PARD3: variants seen among roughly 807,000 people sequenced by gnomAD.
The protein encoded by PARD3 is partitioning defective 3 homolog.
PARD3 carries 75 observed loss-of-function variants against 155.4 expected under a neutral mutation model. The ratio of observed to expected loss-of-function variants is 0.48; its 90% CI spans 0.40 to 0.58. PARD3 has a LOEUF of 0.58. PARD3 is among the 20% of genes least tolerant of loss of function. The pLI is 0.00. For synonymous variants in PARD3, 576 were observed against 610.5 expected (o/e 0.94, Z 0.83); for missense variants, 1,642 against 1,721.7 (o/e 0.95, Z 0.82).
intron 14 of PARD3, among the ~76,000 whole-genome samples, chr10:34,355,042 A>G: frequency 6.6e-6 from 1 of 152,144 alleles, no homozygotes; most frequent in South Asian, 2.1e-4. Flanking sequence ...GGCTAAAGGA[A>G]GAGAGATTCT....
intron 2 of PARD3, among the ~76,000 whole-genome samples, chr10:34,544,231 C>T (rs1310288861): frequency 2.0e-5 from 3 of 152,076 alleles, no homozygotes; most frequent in Admixed American, 6.6e-5. Context: ...TAAGTAGTGT[C>T]CACATTCAAG....
intron 2 of PARD3, among the ~76,000 whole-genome samples, chr10:34,674,490 T>TTC (rs1186142321): frequency 6.8e-6 from 1 of 147,392 alleles, no homozygotes; most frequent in Admixed American, 6.8e-5. Flanking sequence ...TTTTTTTTTT[T>TTC]TTTTTTTTTT....
chr10:34,628,101 T>G (rs1290635577), intron 2 of PARD3, among the ~76,000 whole-genome samples: 1 of 152,208 alleles, frequency 6.6e-6, no homozygotes, highest in African/African-American at 2.4e-5. Flanking sequence ...TGCAGGATGT[T>G]CACCCATGCT....
intron 20 of PARD3, among the ~76,000 whole-genome samples, chr10:34,313,181 T>C (rs766557273): frequency 2.7e-4 from 41 of 152,154 alleles, no homozygotes; most frequent in Admixed American, 9.2e-4. Context: ...AATAGCCGAG[T>C]GTCTGAGAAT....
chr10:34,369,626 T>G (rs879740670), intron 12 of PARD3, among the ~76,000 whole-genome samples: 1 of 152,164 alleles, frequency 6.6e-6, no homozygotes, highest in Non-Finnish European at 1.5e-5. Context: ...AAATCACATA[T>G]AGTTCCTGAC....
intron 22 of PARD3, among the ~76,000 whole-genome samples, chr10:34,236,270 T>G (rs1412548224): frequency 6.6e-6 from 1 of 152,188 alleles, no homozygotes; most frequent in Non-Finnish European, 1.5e-5. Context: ...GCATCTGTAG[T>G]AATAGACACC....
chr10:34,353,711 A>ATAAAT (rs1404293280), intron 14 of PARD3, among the ~76,000 whole-genome samples: 68 of 102,572 alleles, frequency 6.6e-4, no homozygotes, highest in African/African-American at 3.9e-3. Flanking sequence ...AGAATGATCA[A>ATAAAT]TAAATAAATA....
At chr10:34,563,861 A>G (rs553495699) in intron 2 of PARD3, among the ~76,000 whole-genome samples, 2 of 152,302 alleles carry the variant, frequency 1.3e-5, no homozygotes, top group South Asian at 4.2e-4. Context: ...ATTCATTAGA[A>G]AAAATTTTGC....
At chr10:34,414,297 C>T (rs1265334335) in intron 5 of PARD3, among the ~76,000 whole-genome samples, 1 of 151,948 alleles carries the variant, frequency 6.6e-6, no homozygotes, top group African/African-American at 2.4e-5. Flanking sequence ...AAAATAGAAG[C>T]ATGTCTACTG....
At chr10:34,196,668 G>T (rs2133303200) in intron 22 of PARD3, among the ~76,000 whole-genome samples, 1 of 149,484 alleles carries the variant, frequency 6.7e-6, no homozygotes, top group South Asian at 2.1e-4. Context: ...CTGCCTCCTG[G>T]GTTCATGCCA....
intron 22 of PARD3, among the ~76,000 whole-genome samples, chr10:34,257,915 A>T (rs1954743984): frequency 6.6e-6 from 1 of 152,218 alleles, no homozygotes; most frequent in African/African-American, 2.4e-5. Context: ...TGCATCTCTA[A>T]CTATATTAGA....
chr10:34,258,757 A>G (rs181156055), intron 22 of PARD3, among the ~76,000 whole-genome samples: 4 of 152,284 alleles, frequency 2.6e-5, no homozygotes, highest in Admixed American at 2.6e-4. Context: ...CTCTAAAGAG[A>G]CATCTAAAGA....
At chr10:34,275,896 ACAGT>A (rs944949157) in intron 21 of PARD3, among the ~76,000 whole-genome samples, 47 of 152,248 alleles carry the variant, frequency 3.1e-4, no homozygotes, top group African/African-American at 7.9e-4. Context: ...ATTTTTCTGA[ACAGT>A]CAGATTGTTG....
chr10:34,509,369 G>C (rs2081272722), intron 3 of PARD3, among the ~76,000 whole-genome samples: 1 of 152,086 alleles, frequency 6.6e-6, no homozygotes, highest in Non-Finnish European at 1.5e-5. Flanking sequence ...GGTGTAATGT[G>C]GTTTCTTCCC....
At chr10:34,731,129 G>A (rs1158992730) in intron 1 of PARD3, among the ~76,000 whole-genome samples, 2 of 150,340 alleles carry the variant, frequency 1.3e-5, no homozygotes, top group South Asian at 2.1e-4. Context: ...ATTTTTTTAC[G>A]CTGTTTTCTC....
intron 22 of PARD3, among the ~76,000 whole-genome samples, chr10:34,236,279 C>A (rs1953227639): frequency 6.6e-6 from 1 of 152,128 alleles, no homozygotes; most frequent in Non-Finnish European, 1.5e-5. Context: ...GTAATAGACA[C>A]CATTTACTGG....
intron 19 of PARD3, among the ~76,000 whole-genome samples, chr10:34,318,804 C>T (rs888989132): frequency 1.3e-4 from 20 of 152,126 alleles, no homozygotes; most frequent in African/African-American, 4.3e-4. Flanking sequence ...CTCGCTCTGT[C>T]GCCCAGGCTG....
intron 2 of PARD3, among the ~76,000 whole-genome samples, chr10:34,531,046 A>G (rs1207280084): frequency 6.6e-6 from 1 of 152,214 alleles, no homozygotes; most frequent in Non-Finnish European, 1.5e-5. Flanking sequence ...TGTGCAATCA[A>G]AAGATTGGCA....
At chr10:34,561,798 A>G (rs1373161278) in intron 2 of PARD3, among the ~76,000 whole-genome samples, 2 of 151,358 alleles carry the variant, frequency 1.3e-5, no homozygotes, top group East Asian at 2.0e-4. Flanking sequence ...GATTACAGGC[A>G]TGAGCCACTG....
Sources: allele counts gnomAD v4.1 joint callset (sites outside exome capture counted in the v4.1 genomes callset), GRCh38; gene constraint gnomAD v4.1.1; transcripts MANE v1.5; gene names NCBI Gene and HGNC (gene_info 2026-07-23, HGNC 2026-07-21).